The following NR3C1 variants were observed in gnomAD, a reference collection of about 807,000 sequenced individuals.
NR3C1 encodes the protein glucocorticoid receptor.
NR3C1 carries 14 observed loss-of-function variants against 74.0 expected under a neutral mutation model. The observed-to-expected ratio is 0.19, with a 90% CI of 0.12 to 0.30. NR3C1 has a LOEUF of 0.30. NR3C1 is among the 10% of genes least tolerant of loss of function. NR3C1 has a pLI of 1.00. For synonymous variants in NR3C1, 308 were observed against 332.5 expected (o/e 0.93, Z 0.80); for missense variants, 695 against 909.8 (o/e 0.76, Z 3.04).
chr5:143,323,378 G>C (rs937044203), intron 2 of NR3C1, among the ~76,000 whole-genome samples: 1 of 152,104 alleles, frequency 6.6e-6, no homozygotes, highest in Admixed American at 6.5e-5. Context: ...AAAAGTTTTG[G>C]AAACCCCTGA....
At chr5:143,406,732 G>A (rs1164363104), upstream of NR3C1, among the ~76,000 whole-genome samples, 1 of 152,154 alleles carries the variant, frequency 6.6e-6, no homozygotes, top group Non-Finnish European at 1.5e-5. Context: ...TGGCTCCTAT[G>A]CATTAAGAGA....
intron 4 of NR3C1, among the ~76,000 whole-genome samples, chr5:143,306,654 T>C (rs897479542): frequency 1.3e-5 from 2 of 152,138 alleles, no homozygotes; most frequent in African/African-American, 4.8e-5. Flanking sequence ...CTATGTAGTA[T>C]AAAAATGGAT....
intron 2 of NR3C1, among the ~76,000 whole-genome samples, chr5:143,333,496 G>A (rs1165298228): frequency 2.6e-5 from 4 of 151,948 alleles, no homozygotes; most frequent in East Asian, 1.9e-4. Flanking sequence ...CTGGCCGGGC[G>A]CGGTGGCTCA....
At chr5:143,368,534 T>TAC (rs201482184) in intron 2 of NR3C1, among the ~76,000 whole-genome samples, 31,035 of 144,816 alleles carry the variant, frequency 0.21, 3,171 homozygotes, top group South Asian at 0.31. Flanking sequence ...ATATTCTAGA[T>TAC]ACACACACAC....
chr5:143,321,891 T>C (rs886074820), intron 2 of NR3C1, among the ~76,000 whole-genome samples: 1 of 152,246 alleles, frequency 6.6e-6, no homozygotes. Context: ...ATATGTATCC[T>C]GTTTCTATCA....
chr5:143,380,112 T>C (rs566773115), intron 2 of NR3C1, among the ~76,000 whole-genome samples: 1 of 152,266 alleles, frequency 6.6e-6, no homozygotes, highest in South Asian at 2.1e-4. Flanking sequence ...ATAGCTACTT[T>C]GAGCAAGCAG....
intron 2 of NR3C1, among the ~76,000 whole-genome samples, chr5:143,364,527 G>A (rs17339831): frequency 2.0e-4 from 31 of 152,142 alleles, no homozygotes; most frequent in African/African-American, 5.1e-4. Flanking sequence ...CCTTTTCTCC[G>A]TATCGGATTC....
At chr5:143,427,901 T>C (rs1751617187) in intron 1 of NR3C1, among the ~76,000 whole-genome samples, 3 of 152,214 alleles carry the variant, frequency 2.0e-5, no homozygotes, top group Admixed American at 6.5e-5. Flanking sequence ...GAGGTCATCA[T>C]GGAAAATGCT....
intron 4 of NR3C1, among the ~76,000 whole-genome samples, chr5:143,308,490 A>AT (rs1320315040): frequency 1.3e-5 from 2 of 152,200 alleles, no homozygotes; most frequent in African/African-American, 4.8e-5. Context: ...CATCATAATC[A>AT]TAAAAGGAAC....
intron 2 of NR3C1, chr5:143,332,638 T>G (rs1042323456): frequency 4.5e-6 from 7 of 1,551,640 alleles, no homozygotes; most frequent in Non-Finnish European, 6.1e-6. Flanking sequence ...GGAAAAGGGC[T>G]CAGGTTTAAG....
Position 143,399,909 on chromosome 5 carries a change from T to C in NR3C1, c.931A>G (p.Ile311Val). The C allele has an allele frequency of 6.2e-7, 1 of 1,614,198 alleles. No homozygotes were observed. The highest frequency in any genetic ancestry group is 8.5e-7 in the Non-Finnish European group (1 of 1,180,030). ...ATGGCAGACATTTTATTACCAATTA[T>C]ATTTGCTCCAGGAAAGCTTGCCTGA... is the stretch of plus-strand genomic sequence containing the variant. ...YCQASFPGAN[I>V]IGNKMSAISV... Residue 311 changes from isoleucine to valine, a missense_variant, in exon 2 of 9, where the codon ATA (isoleucine) becomes GTA (valine). Physicochemically the swap from Ile to Val is conservative, Grantham distance 29. Coordinates refer to ENST00000394464, the MANE Select transcript of NR3C1 (RefSeq NM_000176.3).
chr5:143,319,816 G>A (rs1271775799), intron 2 of NR3C1, among the ~76,000 whole-genome samples: 1 of 151,368 alleles, frequency 6.6e-6, no homozygotes, highest in Non-Finnish European at 1.5e-5. Context: ...AAAAAAAAAG[G>A]GACCAGAAAC....
At chr5:143,400,903 C>T in intron 1 of NR3C1, 51 bp from the exon 2 acceptor site, 1 of 1,367,960 alleles carries the variant, frequency 7.3e-7, no homozygotes, top group Non-Finnish European at 1.0e-6. Context: ...GCTCTAAAGT[C>T]ACATTATCTT....
chr5:143,338,924 T>C (rs1341509550), intron 2 of NR3C1, among the ~76,000 whole-genome samples: 3 of 152,200 alleles, frequency 2.0e-5, no homozygotes, highest in African/African-American at 7.2e-5. Flanking sequence ...ACTATTTTTT[T>C]CCTCTTTTAT....
At chr5:143,426,337 C>T (rs12054797) in intron 1 of NR3C1, among the ~76,000 whole-genome samples, 30,196 of 152,188 alleles carry the variant, frequency 0.2, 3,695 homozygotes, top group Admixed American at 0.26. Flanking sequence ...CATACTCAAA[C>T]TCACTGAATT....
rs1234339107 is a variant in NR3C1, at chr5:143,362,360, G to GTT, written c.1184+37294_1184+37295dup. Among the ~76,000 whole-genome samples the GTT allele has an allele frequency of 5.4e-4, 75 of 138,806 alleles. 1 individual carries two copies. Among genetic ancestry groups the GTT allele is most frequent in the African/African-American group, 1.4e-3 (55 of 38,170 alleles). 91.1% of individuals were successfully genotyped at this position (138,806 alleles called of 152,430 possible). On this transcript the variant is annotated intron_variant, in intron 2 of 8. Coordinates refer to ENST00000394464, the MANE Select transcript of NR3C1 (RefSeq NM_000176.3). The stretch of plus-strand genomic sequence containing the variant: ...GAATGGACCTCTTTCATGAAGACTT[G>GTT]TTTTTTTTTTTTTTTGTTGAGACGG...
intron 2 of NR3C1, among the ~76,000 whole-genome samples, chr5:143,372,552 G>A (rs541854310): frequency 2.6e-5 from 4 of 152,238 alleles, no homozygotes; most frequent in South Asian, 2.1e-4. Flanking sequence ...AGTTGACTGC[G>A]GGTAACTGAA....
At chr5:143,294,089 A>C (rs1816589522) in intron 7 of NR3C1, 4 of 984,786 alleles carry the variant, frequency 4.1e-6, no homozygotes, top group Non-Finnish European at 4.8e-6. Context: ...CATTAACATA[A>C]AATAACTTTT....
chr5:143,403,746 C>T (rs1561800953), upstream of NR3C1: 46 of 984,954 alleles, frequency 4.7e-5, no homozygotes, highest in Non-Finnish European at 5.5e-5. Context: ...CCGCTCCCCG[C>T]CCGAGGGGCC....
Sources: gnomAD v4.1 joint callset for allele counts (sites outside exome capture counted in the v4.1 genomes callset) on GRCh38, gnomAD v4.1.1 for gene constraint, MANE v1.5 for transcripts, NCBI Gene and HGNC (gene_info 2026-07-23, HGNC 2026-07-21) for gene names.